Variants in RYR2 observed in about 807,000 individuals in gnomAD.
RYR2 encodes the protein ryanodine receptor 2.
A neutral mutation model predicts 601.1 loss-of-function variants in RYR2; 227 were observed. The observed-to-expected ratio is 0.38, with a 90% CI of 0.34 to 0.42. RYR2 has a LOEUF of 0.42. Among genes scored for constraint, RYR2 ranks in the 10% least tolerant of loss-of-function variants. The pLI, the probability that RYR2 is intolerant of heterozygous loss-of-function variation, is 1.00. For missense variants in RYR2, 4,646 were observed against 6,156.5 expected, an observed-to-expected ratio of 0.75 and a Z score of 8.21; for synonymous variants, 2,223 against 2,175.1, an observed-to-expected ratio of 1.02 and a Z score of -0.61.
At chr1:237,256,609 C>T (rs140382468) in intron 1 of RYR2, among the ~76,000 whole-genome samples, 32 of 152,200 alleles carry the variant, frequency 2.1e-4, no homozygotes, top group Admixed American at 1.6e-3. Flanking sequence ...CTTGTGAAAG[C>T]GGTAATTGAA....
chr1:237,219,243 C>G (rs908033307), intron 1 of RYR2, among the ~76,000 whole-genome samples: 1 of 152,078 alleles, frequency 6.6e-6, no homozygotes, highest in Admixed American at 6.6e-5. Flanking sequence ...GTCTCGAACT[C>G]CTGACCTCAA....
rs139227598 is a variant in RYR2 at position 237,671,204 on chromosome 1, G to A, written c.8591-2892G>A. 3.8e-3 allele frequency among the ~76,000 whole-genome samples: 586 copies of A among 152,298 alleles called. 5 individuals are homozygous for A. Among genetic ancestry groups the A allele is most frequent in the African/African-American group, 0.013 (556 of 41,558 alleles). ...GAACTAGTTTAGAACCAAAATGGCAGACCAGTAGGAAACGTGTTGAACTAT... is the reference window on the plus strand; with the variant it reads ...GAACTAGTTTAGAACCAAAATGGCAAACCAGTAGGAAACGTGTTGAACTAT... On this transcript the variant is annotated intron_variant, in intron 58 of 104. Transcript: ENST00000366574.
intron 34 of RYR2, among the ~76,000 whole-genome samples, chr1:237,599,911 TAA>T (rs1676314976): frequency 6.6e-6 from 1 of 151,900 alleles, no homozygotes; most frequent in Non-Finnish European, 1.5e-5. Flanking sequence ...GAAATAAATT[TAA>T]GAGGACAGAA....
At chr1:237,804,483 G>A (rs865800220) in intron 98 of RYR2, among the ~76,000 whole-genome samples, 1 of 151,832 alleles carries the variant, frequency 6.6e-6, no homozygotes, top group African/African-American at 2.4e-5. Context: ...TCCCCAAATG[G>A]GTGGTTTCTG....
intron 16 of RYR2, among the ~76,000 whole-genome samples, chr1:237,464,295 A>AT (rs1659819128): frequency 6.6e-6 from 1 of 151,850 alleles, no homozygotes; most frequent in Non-Finnish European, 1.5e-5. Context: ...ATTGTCGTCT[A>AT]TTTTTTCTCT....
At chr1:237,738,407 T>C (rs936396542) in intron 79 of RYR2, among the ~76,000 whole-genome samples, 14 of 152,106 alleles carry the variant, frequency 9.2e-5, no homozygotes, top group African/African-American at 3.1e-4. Context: ...ACCTAGAGAA[T>C]TTACGTGTTA....
intron 40 of RYR2, among the ~76,000 whole-genome samples, 162 bp downstream of exon 40, chr1:237,625,966 C>T (rs1679601216): frequency 1.3e-5 from 2 of 152,116 alleles, no homozygotes; most frequent in Admixed American, 1.3e-4. Context: ...AAATAAACAG[C>T]AGCATCAGTC....
At chr1:237,113,972 T>C (rs1364365028) in intron 1 of RYR2, among the ~76,000 whole-genome samples, 5 of 152,240 alleles carry the variant, frequency 3.3e-5, no homozygotes, top group Non-Finnish European at 7.3e-5. Context: ...CGCTCCAACA[T>C]GCACGCAACT....
Position 237,613,950 on chromosome 1 carries a change from A to C in RYR2, c.4911-89A>C, listed in dbSNP as rs967288470. On this transcript the variant is annotated intron_variant, in intron 36 of 104. Transcript: ENST00000366574. Reference sequence around the variant, plus strand: ...TATTCCCATAACTTTTTTCCTTCAAATTTACAGTGCATACTGATTTCTCCT... The same window carrying C: ...TATTCCCATAACTTTTTTCCTTCAACTTTACAGTGCATACTGATTTCTCCT... The C allele has an allele frequency of 2.2e-5, 28 of 1,262,012 alleles. No individual in the cohort carries two copies. In the East Asian group the frequency reaches 6.9e-4, roughly 31 times the overall value. The allele number at this position is 1,262,012 out of a possible 1,614,324, so 78.2% of individuals were successfully genotyped here.
intron 12 of RYR2, among the ~76,000 whole-genome samples, chr1:237,436,473 T>TTTTTTTC (rs1707382783): frequency 7.1e-6 from 1 of 140,346 alleles, no homozygotes; most frequent in African/African-American, 2.7e-5. Context: ...TTTTTTTTTT[T>TTTTTTTC]TTTTTGCATT....
At chr1:237,583,332 C>T (rs12042518) in intron 29 of RYR2, among the ~76,000 whole-genome samples, 74,732 of 151,872 alleles carry the variant, frequency 0.49, 18,876 homozygotes, top group South Asian at 0.66. Flanking sequence ...ATATTAGGAC[C>T]TTTGTCAGAA....
chr1:237,628,099 A>G lies in RYR2; in HGVS notation c.6440+19A>G. ...GATTAGGGTAAATTATTTAACTACT[A>G]CAACCCTTTGTCTCGTAAATGTTTT... On this transcript the variant is annotated intron_variant, in intron 41 of 104. Coordinates refer to ENST00000366574, the MANE Select transcript of RYR2 (RefSeq NM_001035.3). 3 of 1,609,840 alleles carry G rather than the reference A, an allele frequency of 1.9e-6. No individual in the cohort carries two copies. The highest frequency in any genetic ancestry group is 2.5e-6 in the Non-Finnish European group (3 of 1,176,826).
intron 57 of RYR2, among the ~76,000 whole-genome samples, chr1:237,667,277 C>T (rs1030310127): frequency 1.3e-5 from 2 of 152,132 alleles, no homozygotes; most frequent in Non-Finnish European, 2.9e-5. Context: ...GAAATAAGGA[C>T]CGTAAATATA....
At chr1:237,605,298 A>T (rs936123353) in intron 35 of RYR2, among the ~76,000 whole-genome samples, 1 of 152,252 alleles carries the variant, frequency 6.6e-6, no homozygotes, top group African/African-American at 2.4e-5. Flanking sequence ...AATCCAGCAT[A>T]TAAACAGAAC....
chr1:237,789,120 A>G (rs1440667067), intron 92 of RYR2, among the ~76,000 whole-genome samples: 1 of 152,020 alleles, frequency 6.6e-6, no homozygotes, highest in South Asian at 2.1e-4. Context: ...GAATCCACCT[A>G]CAAGAGGTAC....
chr1:237,581,514 A>G (rs1258353831), intron 29 of RYR2, among the ~76,000 whole-genome samples: 1 of 152,000 alleles, frequency 6.6e-6, no homozygotes, highest in Non-Finnish European at 1.5e-5. Flanking sequence ...TCCATTATTG[A>G]TTTTATCATG....
chr1:237,547,575 G>A (rs1669959601), intron 25 of RYR2, among the ~76,000 whole-genome samples: 1 of 152,194 alleles, frequency 6.6e-6, no homozygotes. Flanking sequence ...AACAGTGACA[G>A]AAGAATGGAA....
Position 237,648,464 on chromosome 1 carries a change from G to A in RYR2, c.7363G>A (p.Asp2455Asn), listed in dbSNP as rs956994660. The A allele has an allele frequency of 1.9e-6, 3 of 1,608,808 alleles. No homozygotes were observed. Among genetic ancestry groups the A allele is most frequent in the Non-Finnish European group, 1.7e-6 (2 of 1,177,386 alleles). Reference protein sequence around the residue: ...IAKDGNVVEPDMSAGFCPDHK... With the variant: ...IAKDGNVVEPNMSAGFCPDHK... ...TTTAGATGGGAATGTGGTGGAACCT[G>A]ACATGTCTGCGGGGTTTTGCCCAGA... The change falls in exon 49 of 105, where the codon GAC becomes AAC. Residue 2455 changes from aspartate (D) to asparagine (N), a missense_variant. Physicochemically the swap from Asp to Asn is conservative, Grantham distance 23 (BLOSUM62 1). Transcript: ENST00000366574.
At position 237,791,458 on chromosome 1, in the gene RYR2, G is replaced by C; in HGVS notation, c.13506G>C (p.Met4502Ile). The C allele has an allele frequency of 1.3e-6, 2 of 1,578,740 alleles. No homozygotes were observed. Among genetic ancestry groups the C allele is most frequent in the African/African-American group, 1.3e-5 (1 of 74,702 alleles). ...LNYFARNFYNMRMLALFVAFA... is the reference protein window; with the variant it reads ...LNYFARNFYNIRMLALFVAFA... ...ATTTTGCTCGCAACTTTTACAACATGAGAATGTTAGCCTTATTTGTCGCAT... is the reference window on the plus strand; with the variant it reads ...ATTTTGCTCGCAACTTTTACAACATCAGAATGTTAGCCTTATTTGTCGCAT... The change falls in exon 93 of 105, where the codon ATG (methionine) becomes ATC (isoleucine). Residue 4502 changes from methionine (M) to isoleucine (I), a missense_variant. Coordinates refer to ENST00000366574, the MANE Select transcript of RYR2 (RefSeq NM_001035.3).
Sources: gnomAD v4.1 joint callset for allele counts (sites outside exome capture counted in the v4.1 genomes callset) on GRCh38, gnomAD v4.1.1 for gene constraint, MANE v1.5 for transcripts, NCBI Gene and HGNC (gene_info 2026-07-23, HGNC 2026-07-21) for gene names.